CYB5R4: variants seen among roughly 807,000 people sequenced by gnomAD.
CYB5R4 encodes N-terminal cytochrome b5 and cytochrome b5 oxidoreductase domain-containing protein.
A neutral mutation model predicts 70.2 loss-of-function variants in CYB5R4; 55 were observed. That is an observed-to-expected ratio of 0.78 (90% CI 0.63 to 0.98). The LOEUF (loss-of-function observed/expected upper bound fraction) is 0.98, where lower values mean the gene tolerates loss of function less well. CYB5R4 is among the 50% of genes least tolerant of loss of function. The probability of loss-of-function intolerance (pLI) is 0.00; values close to 1 mark genes in which losing one functional copy is unlikely to be tolerated. For synonymous variants in CYB5R4, 197 were observed against 199.5 expected (o/e 0.99, Z 0.11); for missense variants, 562 against 612.6 (o/e 0.92, Z 0.87).
At chr6:83,925,979 T>C (rs544495984) in intron 10 of CYB5R4, among the ~76,000 whole-genome samples, 8 of 152,344 alleles carry the variant, frequency 5.3e-5, no homozygotes, top group South Asian at 2.1e-4. Context: ...CCTATTCTTA[T>C]TAGCTTATCT....
intron 2 of CYB5R4, among the ~76,000 whole-genome samples, chr6:83,875,099 G>A (rs1436198533): frequency 6.6e-6 from 1 of 152,032 alleles, no homozygotes; most frequent in Non-Finnish European, 1.5e-5. Context: ...GGGATTATAG[G>A]CGTGAGCCAC....
chr6:83,881,908 A>T (rs537812183), intron 2 of CYB5R4, among the ~76,000 whole-genome samples: 5 of 152,216 alleles, frequency 3.3e-5, no homozygotes, highest in Non-Finnish European at 5.9e-5. Context: ...TTATAAAATC[A>T]ATTTGTCTTT....
intron 4 of CYB5R4, 23 bp downstream of exon 4, chr6:83,909,113 C>T (rs370464646): frequency 6.3e-7 from 1 of 1,595,202 alleles, no homozygotes; most frequent in Non-Finnish European, 8.6e-7. Flanking sequence ...GGTGCTAAAC[C>T]AGCATGGATG....
At chr6:83,868,341 G>T (rs567509749) in intron 2 of CYB5R4, among the ~76,000 whole-genome samples, 23 of 152,044 alleles carry the variant, frequency 1.5e-4, no homozygotes, top group Non-Finnish European at 4.4e-5. Context: ...AATATTTTGG[G>T]GACTGTTTTC....
At chr6:83,862,392 T>C (rs1226844014) in intron 1 of CYB5R4, among the ~76,000 whole-genome samples, 1 of 152,212 alleles carries the variant, frequency 6.6e-6, no homozygotes, top group Admixed American at 6.5e-5. Flanking sequence ...GAACATTCAG[T>C]TATAAAGTCA....
chr6:83,940,737 C>A, intron 14 of CYB5R4, 136 bp downstream of exon 14: 1 of 1,074,482 alleles, frequency 9.3e-7, no homozygotes, highest in Non-Finnish European at 1.3e-6. Context: ...AATTCTCTAA[C>A]TAGAAATCAT....
intron 10 of CYB5R4, among the ~76,000 whole-genome samples, chr6:83,928,054 T>G (rs1206602921): frequency 1.3e-5 from 2 of 152,182 alleles, no homozygotes; most frequent in Non-Finnish European, 1.5e-5. Context: ...GAACCAGGGT[T>G]AAAGACCAAA....
chr6:83,866,327 T>C (rs1329005349), intron 2 of CYB5R4, among the ~76,000 whole-genome samples: 1 of 152,210 alleles, frequency 6.6e-6, no homozygotes, highest in Non-Finnish European at 1.5e-5. Context: ...TTATCCAAAA[T>C]GCTTGGGATC....
Position 83,966,773 on chromosome 6 carries a change from T to C in CYB5R4, c.*6895T>C, listed in dbSNP as rs2129147977. 6.6e-6 allele frequency: 1 copy of C among 152,184 alleles called. No individual in the cohort carries two copies. Among genetic ancestry groups the C allele is most frequent in the Non-Finnish European group, 1.5e-5 (1 of 67,992 alleles). 9.4% of individuals were successfully genotyped at this position (152,184 alleles called of 1,614,324 possible). A position where few individuals can be genotyped will look rare whatever the true frequency, so the allele number is the denominator to read the frequency against. ...CAAAGAATATCCAACATATGAATAA[T>C]AGTAGTCCTTGAAGACAAAAATCAA... On this transcript the variant is annotated 3_prime_UTR_variant, in exon 16 of 16. Transcript: ENST00000369681.
At chr6:83,951,836 C>G (rs1261788163) in intron 14 of CYB5R4, among the ~76,000 whole-genome samples, 1 of 152,166 alleles carries the variant, frequency 6.6e-6, no homozygotes, top group African/African-American at 2.4e-5. Flanking sequence ...CTTTCTGGTT[C>G]TAGATCCTTG....
chr6:83,933,198 G>T (rs928435437), intron 10 of CYB5R4, among the ~76,000 whole-genome samples: 2 of 152,150 alleles, frequency 1.3e-5, no homozygotes, highest in Admixed American at 1.3e-4. Flanking sequence ...TAACTTTAGG[G>T]TGGGCTCTTA....
chr6:83,939,563 C>T (rs1481330506), intron 12 of CYB5R4, among the ~76,000 whole-genome samples: 3 of 152,140 alleles, frequency 2.0e-5, no homozygotes, highest in Admixed American at 2.0e-4. Flanking sequence ...TTTTAGAATG[C>T]ATTTCTATTT....
chr6:83,882,923 G>A (rs773532231), intron 2 of CYB5R4, among the ~76,000 whole-genome samples: 1 of 152,080 alleles, frequency 6.6e-6, no homozygotes, highest in Non-Finnish European at 1.5e-5. Flanking sequence ...GCAGTGAGCC[G>A]AGATTGCACC....
intron 14 of CYB5R4, among the ~76,000 whole-genome samples, chr6:83,941,807 G>A (rs995641298): frequency 5.9e-5 from 9 of 152,290 alleles, no homozygotes; most frequent in Non-Finnish European, 1.3e-4. Context: ...AGAAGTTCAA[G>A]TTCTTAGTTT....
chr6:83,915,857 G>C (rs1305681324), intron 5 of CYB5R4, among the ~76,000 whole-genome samples: 1 of 152,068 alleles, frequency 6.6e-6, no homozygotes, highest in Non-Finnish European at 1.5e-5. Flanking sequence ...GAATGGGTTG[G>C]ACTACTTTCC....
At chr6:83,959,384 A>G (rs1244345931) in intron 15 of CYB5R4, among the ~76,000 whole-genome samples, 2 of 152,186 alleles carry the variant, frequency 1.3e-5, no homozygotes, top group East Asian at 3.9e-4. Context: ...ACATAAAGAC[A>G]TATTATTAAG....
chr6:83,951,654 G>A (rs1333315208), intron 14 of CYB5R4, among the ~76,000 whole-genome samples: 3 of 152,158 alleles, frequency 2.0e-5, no homozygotes, highest in Non-Finnish European at 2.9e-5. Context: ...CTGGTGTAAT[G>A]TGCCACATTT....
Position 83,919,377 on chromosome 6 carries a change from C to T in CYB5R4, c.507-20C>T, listed in dbSNP as rs777045052. Reference sequence around the variant, plus strand: ...ATGATTGTCAATATAATTATTCATCCTTTTATTTATATTTTACAGCTATGA... The same window carrying T: ...ATGATTGTCAATATAATTATTCATCTTTTTATTTATATTTTACAGCTATGA... On this transcript the variant is annotated intron_variant, in intron 6 of 15. Coordinates refer to ENST00000369681, the MANE Select transcript of CYB5R4 (RefSeq NM_016230.4). 3 of 1,342,046 alleles carry T rather than the reference C, an allele frequency of 2.2e-6. No homozygotes were observed. The highest frequency in any genetic ancestry group is 3.1e-6 in the Non-Finnish European group (3 of 969,924). 83.1% of individuals were successfully genotyped at this position (1,342,046 alleles called of 1,614,324 possible).
intron 2 of CYB5R4, among the ~76,000 whole-genome samples, chr6:83,869,237 G>A (rs1336708612): frequency 6.6e-6 from 1 of 152,174 alleles, no homozygotes; most frequent in Non-Finnish European, 1.5e-5. Flanking sequence ...TTCCATTGCA[G>A]TTATTTAGAT....
Sources: allele counts gnomAD v4.1 joint callset (sites outside exome capture counted in the v4.1 genomes callset), GRCh38; gene constraint gnomAD v4.1.1; transcripts MANE v1.5; gene names NCBI Gene and HGNC (gene_info 2026-07-23, HGNC 2026-07-21).